UBE2K: variants seen among roughly 807,000 people sequenced by gnomAD.
UBE2K encodes ubiquitin-conjugating enzyme E2 K.
In UBE2K, 6 loss-of-function variants were observed where a neutral mutation model predicts 30.0. The ratio of observed to expected loss-of-function variants is 0.20; its 90% CI spans 0.11 to 0.39. UBE2K has a LOEUF of 0.39. UBE2K is among the 10% of genes least tolerant of loss of function. The probability of loss-of-function intolerance (pLI) is 1.00; values close to 1 mark genes in which losing one functional copy is unlikely to be tolerated. For missense variants in UBE2K, 61 were observed against 241.6 expected (o/e 0.25, Z 4.96); for synonymous variants, 86 against 83.7 (o/e 1.03, Z -0.15).
chr4:39,719,276 C>T (rs1167494992), intron 1 of UBE2K, among the ~76,000 whole-genome samples: 2 of 152,150 alleles, frequency 1.3e-5, no homozygotes, highest in South Asian at 2.1e-4. Context: ...CCTGGTAAGC[C>T]TTTCTTGAAG....
chr4:39,725,481 A>G (rs1719702917), intron 1 of UBE2K, among the ~76,000 whole-genome samples: 1 of 150,314 alleles, frequency 6.7e-6, no homozygotes, highest in South Asian at 2.1e-4. Flanking sequence ...TGTGATATTC[A>G]CAGTTGCTTC....
intron 3 of UBE2K, among the ~76,000 whole-genome samples, chr4:39,747,242 G>A (rs28612080): frequency 0.13 from 19,658 of 152,014 alleles, 1,365 homozygotes; most frequent in East Asian, 0.22. Flanking sequence ...TTTTATGTGT[G>A]CAGTTCAGTG....
intron 4 of UBE2K, among the ~76,000 whole-genome samples, chr4:39,762,639 T>G (rs1204469428): frequency 6.6e-6 from 1 of 152,188 alleles, no homozygotes; most frequent in East Asian, 1.9e-4. Flanking sequence ...CCACATACTT[T>G]TAAAACACTT....
intron 1 of UBE2K, chr4:39,714,546 A>ATTTTTTTTTTTTTTTTTT (rs879776892): frequency 1.2e-4 from 3 of 25,276 alleles, no homozygotes; most frequent in East Asian, 2.3e-3. Flanking sequence ...ATATATATAT[A>ATTTTTTTTTTTTTTTTTT]TATATTTTTT....
At position 39,755,756 on chromosome 4, in the gene UBE2K, T is replaced by G; in HGVS notation, c.299+17T>G. Reference sequence around the variant, plus strand: ...AGATCAATGGTAAGAGATTTTGAATTCACCTTCTCTCCTTCTCATATGAAT... The same window carrying G: ...AGATCAATGGTAAGAGATTTTGAATGCACCTTCTCTCCTTCTCATATGAAT... On this transcript the variant is annotated intron_variant, in intron 4 of 6. Transcript: ENST00000261427. 1 of 1,552,562 alleles carries G rather than the reference T, an allele frequency of 6.4e-7. No homozygotes were observed. The highest frequency in any genetic ancestry group is 8.8e-7 in the Non-Finnish European group (1 of 1,137,442).
intron 4 of UBE2K, among the ~76,000 whole-genome samples, chr4:39,769,578 T>C (rs1269362528): frequency 6.6e-6 from 1 of 151,662 alleles, no homozygotes; most frequent in Non-Finnish European, 1.5e-5. Context: ...CCCCCTTCCT[T>C]TTCTGGGACT....
intron 1 of UBE2K, among the ~76,000 whole-genome samples, chr4:39,711,790 C>A (rs1718702516): frequency 6.6e-6 from 1 of 151,728 alleles, no homozygotes; most frequent in Non-Finnish European, 1.5e-5. Context: ...GTAATCCCAG[C>A]ACTTTAGGAG....
chr4:39,763,540 A>C (rs1483169255), intron 4 of UBE2K, among the ~76,000 whole-genome samples: 4 of 151,926 alleles, frequency 2.6e-5, no homozygotes, highest in Non-Finnish European at 5.9e-5. Flanking sequence ...ATGAGCCACC[A>C]CGCCCAGCCA....
chr4:39,725,870 TG>T (rs1719726851), intron 1 of UBE2K, among the ~76,000 whole-genome samples: 3 of 152,184 alleles, frequency 2.0e-5, no homozygotes, highest in Admixed American at 2.0e-4. Context: ...CTTGAACTCC[TG>T]GGCTCAAGCA....
At position 39,737,714 on chromosome 4, in the gene UBE2K, T is replaced by C. The variant is rs183791284; in HGVS notation, c.157+201T>C. 2.0e-4 allele frequency among the ~76,000 whole-genome samples: 30 copies of C among 152,318 alleles called. 1 individual carries two copies. The highest frequency in any genetic ancestry group is 1.8e-3 in the Admixed American group (28 of 15,298). On this transcript the variant is annotated intron_variant, in intron 2 of 6. Coordinates refer to ENST00000261427, the MANE Select transcript of UBE2K (RefSeq NM_005339.5). ...CTGAATTTTAGCTAATTTTTTTCTT[T>C]CCATAAAACAGTTTTAGCAGAGCTT...
In UBE2K at chr4:39,781,586, A is replaced by G. The variant is rs1713614232; in HGVS notation, c.*3152A>G. 1 of 200,236 alleles carries G rather than the reference A, an allele frequency of 5.0e-6. No individual in the cohort carries two copies. The highest frequency in any genetic ancestry group is 6.0e-5 in the Admixed American group (1 of 16,750). 12.4% of individuals were successfully genotyped at this position (200,236 alleles called of 1,614,324 possible). ...TGCAGTAGGTGTATGGTAATGTTTT[A>G]CAATCCTATGTAGCAAAATAGGAAA... On this transcript the variant is annotated 3_prime_UTR_variant, in exon 7 of 7. Coordinates refer to ENST00000261427, the MANE Select transcript of UBE2K (RefSeq NM_005339.5).
chr4:39,738,649 A>G (rs771323995), intron 2 of UBE2K, among the ~76,000 whole-genome samples: 7 of 152,098 alleles, frequency 4.6e-5, no homozygotes, highest in Non-Finnish European at 1.0e-4. Flanking sequence ...ATCCAGTTAA[A>G]TACTTTGTGT....
chr4:39,716,594 C>T (rs879781207), intron 1 of UBE2K, among the ~76,000 whole-genome samples: 4 of 152,272 alleles, frequency 2.6e-5, no homozygotes, highest in South Asian at 2.1e-4. Context: ...CTTGCAATAG[C>T]TTAAGCCGGT....
At chr4:39,753,126 C>A (rs899763543) in intron 3 of UBE2K, among the ~76,000 whole-genome samples, 17 of 152,202 alleles carry the variant, frequency 1.1e-4, no homozygotes, top group African/African-American at 4.1e-4. Context: ...CAGTGGCTCA[C>A]GCCTATAATC....
chr4:39,766,193 T>G (rs542615195), intron 4 of UBE2K, among the ~76,000 whole-genome samples: 21 of 105,256 alleles, frequency 2.0e-4, no homozygotes, highest in African/African-American at 1.5e-3. Context: ...TTGTTTTTTG[T>G]TTTTTTTTGA....
chr4:39,712,390 T>C (rs1452835574), intron 1 of UBE2K, among the ~76,000 whole-genome samples: 5 of 146,592 alleles, frequency 3.4e-5, no homozygotes, highest in Non-Finnish European at 7.5e-5. Flanking sequence ...TTTTTTTTTT[T>C]TTTTTCAGTA....
intron 2 of UBE2K, among the ~76,000 whole-genome samples, chr4:39,739,416 G>A (rs1231673479): frequency 2.0e-5 from 3 of 148,880 alleles, no homozygotes; most frequent in African/African-American, 5.0e-5. Context: ...AATGTCTTTA[G>A]CATATTATAC....
intron 3 of UBE2K, among the ~76,000 whole-genome samples, chr4:39,753,000 A>G (rs1462629578): frequency 2.0e-5 from 3 of 152,172 alleles, no homozygotes; most frequent in African/African-American, 7.2e-5. Flanking sequence ...AGCCTGGGCA[A>G]CGGGAGTGAG....
At chr4:39,750,325 T>A (rs927639470) in intron 3 of UBE2K, among the ~76,000 whole-genome samples, 1 of 151,964 alleles carries the variant, frequency 6.6e-6, no homozygotes, top group Admixed American at 6.6e-5. Flanking sequence ...AACTAAAGAG[T>A]GAATGAAATT....
Sources: allele counts gnomAD v4.1 joint callset (sites outside exome capture counted in the v4.1 genomes callset), GRCh38; gene constraint gnomAD v4.1.1; transcripts MANE v1.5; gene names NCBI Gene and HGNC (gene_info 2026-07-23, HGNC 2026-07-21).